GLUD1: variants seen among roughly 807,000 people sequenced by gnomAD.
GLUD1 encodes the protein glutamate dehydrogenase 1.
In GLUD1, 22 loss-of-function variants were observed where a neutral mutation model predicts 56.0. The ratio of observed to expected loss-of-function variants is 0.39; its 90% CI spans 0.28 to 0.56. The LOEUF (loss-of-function observed/expected upper bound fraction) is 0.56. GLUD1 is among the 20% of genes least tolerant of loss of function. The probability of loss-of-function intolerance (pLI) is 0.58; values close to 1 mark genes in which losing one functional copy is unlikely to be tolerated. For missense variants in GLUD1, 451 were observed against 732.0 expected, an observed-to-expected ratio of 0.62 and a Z score of 4.43; for synonymous variants, 223 against 269.9, an observed-to-expected ratio of 0.83 and a Z score of 1.70.
At chr10:87,085,810 T>G (rs1841368632) in intron 1 of GLUD1, among the ~76,000 whole-genome samples, 1 of 152,218 alleles carries the variant, frequency 6.6e-6, no homozygotes, top group Non-Finnish European at 1.5e-5. Context: ...TTATTTAACT[T>G]ACAGCCTGAC....
At chr10:87,074,026 T>C (rs948189374) in intron 4 of GLUD1, among the ~76,000 whole-genome samples, 3 of 151,884 alleles carry the variant, frequency 2.0e-5, no homozygotes, top group Non-Finnish European at 2.9e-5. Flanking sequence ...TTAAAAAAAA[T>C]ATAGGTTTAA....
intron 1 of GLUD1, among the ~76,000 whole-genome samples, chr10:87,090,102 G>A (rs1039629999): frequency 2.0e-5 from 3 of 152,144 alleles, no homozygotes; most frequent in South Asian, 2.1e-4. Context: ...GAACAGTCAC[G>A]TGGCAGAGAC....
intron 1 of GLUD1, among the ~76,000 whole-genome samples, chr10:87,084,791 T>G (rs894619289): frequency 6.6e-6 from 1 of 152,194 alleles, no homozygotes; most frequent in African/African-American, 2.4e-5. Flanking sequence ...CAAAAATGCC[T>G]CAGAACAACT....
At chr10:87,054,659 C>T (rs531726189) in intron 11 of GLUD1, among the ~76,000 whole-genome samples, 1 of 152,026 alleles carries the variant, frequency 6.6e-6, no homozygotes, top group East Asian at 1.9e-4. Flanking sequence ...TACAACTCTT[C>T]CAAGGAGGTT....
At chr10:87,065,306 A>G (rs7923785) in intron 5 of GLUD1, among the ~76,000 whole-genome samples, 1 of 143,628 alleles carries the variant, frequency 7.0e-6, no homozygotes, top group Non-Finnish European at 1.5e-5. Context: ...AAAATACCAC[A>G]CCCAGAGCTC....
At chr10:87,052,524 G>A (rs1361411461) in intron 12 of GLUD1, among the ~76,000 whole-genome samples, 2 of 151,678 alleles carry the variant, frequency 1.3e-5, no homozygotes, top group Admixed American at 1.3e-4. Context: ...TCAAAAATTA[G>A]TTGGGCATGG....
intron 1 of GLUD1, among the ~76,000 whole-genome samples, chr10:87,081,468 G>A (rs1451189658): frequency 2.0e-5 from 3 of 152,236 alleles, no homozygotes; most frequent in African/African-American, 4.8e-5. Context: ...CACTGAGAAC[G>A]GGCCATGATG....
chr10:87,055,732 T>G (rs891900628), intron 11 of GLUD1, among the ~76,000 whole-genome samples: 1 of 152,182 alleles, frequency 6.6e-6, no homozygotes, highest in African/African-American at 2.4e-5. Flanking sequence ...GGTAAAGCAT[T>G]TTTTCTTTCT....
chr10:87,060,175 T>C lies in GLUD1; in HGVS notation c.1264A>G (p.Ile422Val), dbSNP rs764304337. 3.7e-6 allele frequency: 6 copies of C among 1,601,100 alleles called. No homozygotes were observed. The highest frequency in any genetic ancestry group is 1.3e-5 in the African/African-American group (1 of 74,722). Residue 422 changes from isoleucine to valine, a missense_variant, in exon 9 of 13, where the codon ATT (isoleucine) becomes GTT (valine). Ile to Val is a conservative substitution (Grantham distance 29). This residue lies in a region of GLUD1 where 248 missense variants were observed against 460.0 expected (regional missense o/e 0.54). Coordinates refer to ENST00000277865, the MANE Select transcript of GLUD1 (RefSeq NM_005271.5). Reference sequence around the variant, plus strand: ...AGATGACTTACTGGAATAACCATAATGTTTCTCTCCAGGAAGATCTTGTCA... The same window carrying C: ...AGATGACTTACTGGAATAACCATAACGTTTCTCTCCAGGAAGATCTTGTCA... ...EADKIFLERN[I>V]MVIPDLYLNA... is the part of the protein sequence containing the mutation.
intron 1 of GLUD1, among the ~76,000 whole-genome samples, chr10:87,091,940 T>C (rs1040856116): frequency 6.6e-6 from 1 of 151,998 alleles, no homozygotes; most frequent in Non-Finnish European, 1.5e-5. Flanking sequence ...AAAATATGTT[T>C]AAGAGGGAAA....
At chr10:87,057,658 T>G (rs1450122966) in intron 11 of GLUD1, 33 bp downstream of exon 11, 11 of 1,026,092 alleles carry the variant, frequency 1.1e-5, no homozygotes, top group Non-Finnish European at 1.6e-5. Context: ...AGGGAGCATG[T>G]GTGAAGTACA....
At chr10:87,082,747 A>G (rs1283208067) in intron 1 of GLUD1, among the ~76,000 whole-genome samples, 1 of 152,232 alleles carries the variant, frequency 6.6e-6, no homozygotes, top group East Asian at 1.9e-4. Context: ...CTGAAAAACA[A>G]AAAATTTTAA....
At chr10:87,060,092 C>G in intron 9 of GLUD1, 69 bp downstream of exon 9, 1 of 1,021,556 alleles carries the variant, frequency 9.8e-7, no homozygotes, top group South Asian at 1.3e-5. Flanking sequence ...CTCTCTTCCT[C>G]CAAATTCCTT....
At chr10:87,080,049 T>C (rs1223831647) in intron 1 of GLUD1, among the ~76,000 whole-genome samples, 2 of 151,592 alleles carry the variant, frequency 1.3e-5, no homozygotes, top group African/African-American at 2.4e-5. Flanking sequence ...CTGATTCTCC[T>C]GCCTCAGCCT....
intron 5 of GLUD1, among the ~76,000 whole-genome samples, chr10:87,067,417 G>T (rs1257567363): frequency 6.6e-6 from 1 of 152,118 alleles, no homozygotes; most frequent in Non-Finnish European, 1.5e-5. Flanking sequence ...GGAAAGACAG[G>T]GTTTCCCCAT....
In GLUD1 at chr10:87,094,394, C is replaced by T. The variant is rs139579928; in HGVS notation, c.376G>A (p.Asp126Asn). The part of the protein sequence containing the change: ...LSLSFPIRRD[D>N]GSWEVIEGYR... ...CCTTCGATGACCTCCCAGGAGCCGT[C>T]GTCGCGCCGGATGGGGAAGGAGAGA... Residue 126 changes from aspartate to asparagine, a missense_variant, in exon 1 of 13, where the codon GAC (aspartate) becomes AAC (asparagine). This residue lies in a region of GLUD1 where 158 missense variants were observed against 189.7 expected (regional missense o/e 0.83). Coordinates refer to ENST00000277865, the MANE Select transcript of GLUD1 (RefSeq NM_005271.5). The surrounding 1 kb of genome is among the most constrained non-coding windows in gnomAD (Gnocchi z 6.6). The T allele has an allele frequency of 1.5e-3, 2,469 of 1,613,326 alleles. 27 individuals carry two copies. In the African/African-American group the frequency reaches 0.03, roughly 19 times the overall value.
intron 1 of GLUD1, among the ~76,000 whole-genome samples, chr10:87,080,087 G>C (rs1423709648): frequency 6.6e-6 from 1 of 151,822 alleles, no homozygotes; most frequent in Non-Finnish European, 1.5e-5. Context: ...GCAGGCGCGC[G>C]CCGCCACGCC....
At chr10:87,052,284 C>T (rs1344349091) in intron 12 of GLUD1, among the ~76,000 whole-genome samples, 1 of 151,938 alleles carries the variant, frequency 6.6e-6, no homozygotes, top group African/African-American at 2.4e-5. Context: ...GTCAGGAGTT[C>T]GAGACCAGCC....
intron 1 of GLUD1, among the ~76,000 whole-genome samples, chr10:87,086,202 T>C (rs1841378033): frequency 1.3e-5 from 2 of 152,162 alleles, no homozygotes; most frequent in South Asian, 4.1e-4. Flanking sequence ...GTGCCTGGAT[T>C]TCCAATTTCC....
Sources: gnomAD v4.1 joint callset for allele counts (sites outside exome capture counted in the v4.1 genomes callset) on GRCh38, gnomAD v4.1.1 for gene constraint, gnomAD v4.1.1 regional missense constraint, Gnocchi (gnomAD v3.1) non-coding constraint, MANE v1.5 for transcripts, NCBI Gene and HGNC (gene_info 2026-07-23, HGNC 2026-07-21) for gene names.